Variants in NME4 observed in about 807,000 individuals in gnomAD.
NME4 encodes NME/NM23 nucleoside diphosphate kinase 4, also known as nucleoside diphosphate kinase D, mitochondrial.
NME4 carries 21 observed loss-of-function variants against 16.4 expected under a neutral mutation model. The ratio of observed to expected loss-of-function variants is 1.28; its 90% CI spans 0.91 to 1.84. NME4 has a LOEUF of 1.84. Ranked by LOEUF, NME4 falls within the 40% of genes most tolerant of loss-of-function variation. The probability of loss-of-function intolerance (pLI) is 0.00; values close to 1 mark genes in which losing one functional copy is unlikely to be tolerated. For synonymous variants in NME4, 132 were observed against 107.5 expected, an observed-to-expected ratio of 1.23 and a Z score of -1.41; for missense variants, 316 against 261.3, an observed-to-expected ratio of 1.21 and a Z score of -1.44.
At chr16:399,514 G>C (rs770471913) in intron 3 of NME4, 34 bp downstream of exon 3, 2 of 1,603,934 alleles carry the variant, frequency 1.2e-6, no homozygotes, top group Non-Finnish European at 1.7e-6. Context: ...AAGGGCCTGT[G>C]GGTAAAGGGC....
intron 1 of NME4, 38 bp downstream of exon 1, chr16:397,351 G>A: frequency 1.2e-6 from 1 of 813,894 alleles, no homozygotes; most frequent in Middle Eastern, 5.6e-4. Flanking sequence ...GACGCGGAGG[G>A]GAGGAAGGGG....
rs746753109 is a variant in NME4 at position 399,058 on chromosome 16, G to T, written c.160G>T (p.Val54Phe). The T allele has an allele frequency of 1.1e-5, 18 of 1,606,296 alleles. No homozygotes were observed. In the South Asian group the frequency reaches 1.4e-4, roughly 13 times the overall value. The change falls in exon 2 of 5, where the codon GTT (valine) becomes TTT (phenylalanine). Residue 54 changes from valine to phenylalanine, a missense_variant. Transcript: ENST00000219479. The part of the protein sequence containing the change: ...VKPDGVQRRL[V>F]GDVIQRFERR... ...GCCCGATGGCGTGCAACGGCGGCTC[G>T]TTGGGGACGTGATCCAGCGCTTTGA...
chr16:397,788 G>C, intron 1 of NME4: 2 of 1,499,004 alleles, frequency 1.3e-6, no homozygotes, highest in South Asian at 1.2e-5. Context: ...AGTTAGGCCA[G>C]AATCTGACTG....
intron 1 of NME4, chr16:398,208 C>G: frequency 6.8e-7 from 1 of 1,465,412 alleles, no homozygotes; most frequent in South Asian, 1.2e-5. Flanking sequence ...TCCCTGGCAG[C>G]GTCCCCTCCA....
At chr16:398,732 C>T in intron 1 of NME4, 1 of 567,848 alleles carries the variant, frequency 1.8e-6, no homozygotes, top group South Asian at 2.1e-5. Flanking sequence ...TCTCAGGCAG[C>T]CTCTGCCTCT....
rs1324539019 is a variant in NME4 at position 400,711 on chromosome 16, A to AGTT, written c.*372_*374dup. The AGTT allele has an allele frequency of 5.0e-6, 1 of 198,452 alleles. No individual in the cohort carries two copies. The highest frequency in any genetic ancestry group is 1.0e-5 in the Non-Finnish European group (1 of 97,948). The allele number at this position is 198,452 out of a possible 1,614,324, so 12.3% of individuals were successfully genotyped here. ...GAGGTAGAAATGACGCCTTTATGCA[A>AGTT]GTTGTAAGGAGTTGAACAGTAAAGA... On this transcript the variant is annotated 3_prime_UTR_variant, in exon 5 of 5. Coordinates refer to ENST00000219479, the MANE Select transcript of NME4 (RefSeq NM_005009.3).
intron 1 of NME4, among the ~76,000 whole-genome samples, 163 bp downstream of exon 1, chr16:397,476 C>T (rs1433884037): frequency 1.4e-5 from 2 of 139,742 alleles, no homozygotes; most frequent in Admixed American, 1.4e-4. Context: ...CGGCTCGCAC[C>T]CGCACGCCCC....
chr16:397,763 G>A (rs1039274633), intron 1 of NME4: 14 of 1,371,424 alleles, frequency 1.0e-5, no homozygotes, highest in Non-Finnish European at 1.3e-5. Context: ...CCGCTGGGGC[G>A]TTCGCTGAAG....
chr16:400,368 T>C lies in NME4; in HGVS notation c.*26T>C, dbSNP rs182152446. Reference sequence around the variant, plus strand: ...GGCTCAAGCTGCCCTTACCACCCCATCCCCCACGCAGGACCAACTACCTCC... The same window carrying C: ...GGCTCAAGCTGCCCTTACCACCCCACCCCCCACGCAGGACCAACTACCTCC... On this transcript the variant is annotated 3_prime_UTR_variant, in exon 5 of 5. Coordinates refer to ENST00000219479, the MANE Select transcript of NME4 (RefSeq NM_005009.3). The C allele has an allele frequency of 1.8e-3, 2,893 of 1,588,824 alleles. 32 individuals carry two copies. In the African/African-American group the frequency reaches 0.026, roughly 14 times the overall value.
In NME4 at chr16:400,254, C is replaced by T; in HGVS notation, c.476C>T (p.Ala159Val). 3.1e-6 allele frequency: 5 copies of T among 1,604,032 alleles called. No individual in the cohort carries two copies. Among genetic ancestry groups the T allele is most frequent in the South Asian group, 1.1e-5 (1 of 90,768 alleles). The change falls in exon 5 of 5, where the codon GCC becomes GTC. Residue 159 changes from alanine to valine, a missense_variant. Ala to Val is a moderately conservative substitution (Grantham distance 64, BLOSUM62 0). Coordinates refer to ENST00000219479, the MANE Select transcript of NME4 (RefSeq NM_005009.3). ...CACGCCAGCGACTCCGTGGAGGGGG[C>T]CCAGCGGGAGATCCAGCTGTGGTTC... ...VIHASDSVEG[A>V]QREIQLWFQS...
intron 1 of NME4, chr16:398,249 T>G (rs1189566748): frequency 7.1e-7 from 1 of 1,411,140 alleles, no homozygotes; most frequent in African/African-American, 1.4e-5. Flanking sequence ...AGCTCAGCGC[T>G]GACCCTGGGT....
chr16:398,380 C>T (rs2054592873), intron 1 of NME4: 12 of 1,257,660 alleles, frequency 9.5e-6, no homozygotes, highest in Middle Eastern at 2.7e-4. Flanking sequence ...TTCCAGGGCT[C>T]ACCTGGTGGG....
In NME4 at chr16:399,388, A is replaced by C; in HGVS notation, c.235A>C (p.Ser79Arg). ...VGMKMLQAPESVLAEHYQDLR... is the reference protein window; with the variant it reads ...VGMKMLQAPERVLAEHYQDLR... The stretch of plus-strand genomic sequence containing the variant: ...CCTCAATGCCACCCAGGCACCAGAG[A>C]GCGTCCTTGCCGAGCACTACCAGGA... The change falls in exon 3 of 5, where the codon AGC becomes CGC. Residue 79 changes from serine to arginine, a missense_variant. Transcript: ENST00000219479. 6.2e-7 allele frequency: 1 copy of C among 1,612,810 alleles called. No individual in the cohort carries two copies. Among genetic ancestry groups the C allele is most frequent in the Non-Finnish European group, 8.5e-7 (1 of 1,179,950 alleles).
upstream of NME4, chr16:397,100 GTCCGGGGCGGCGGGGGGC>G (rs577985283): frequency 0.47 from 100,401 of 211,730 alleles, 21,952 homozygotes; most frequent in African/African-American, 0.7. Flanking sequence ...GGCCACGGGG[GTCCGGGGCGGCGGGGGGC>G]TCCGGGGCGG....
At position 398,371 on chromosome 16, in the gene NME4, TC is replaced by T. The variant is rs1408214534; in HGVS notation, c.92-617del. 7 of 1,269,426 alleles carry T rather than the reference TC, an allele frequency of 5.5e-6. No homozygotes were observed. The South Asian group carries it at 7.6e-5, about 14-fold the overall frequency. The allele number at this position is 1,269,426 out of a possible 1,614,324, so 78.6% of individuals were successfully genotyped here. On this transcript the variant is annotated intron_variant, in intron 1 of 4. Coordinates refer to ENST00000219479, the MANE Select transcript of NME4 (RefSeq NM_005009.3). The stretch of plus-strand genomic sequence containing the variant: ...CTTCAGGCCCCTTTTTGTCCGTGTT[TC>T]CAGGGCTCACCTGGTGGGGAAAGTG...
At chr16:397,839 C>G (rs780270931) in intron 1 of NME4, 1 of 1,527,466 alleles carries the variant, frequency 6.5e-7, no homozygotes, top group African/African-American at 1.4e-5. Flanking sequence ...CGCTGCCCGG[C>G]CCCCCCAGCT....
At chr16:398,837 G>A in intron 1 of NME4, 153 bp from the exon 2 acceptor site, 1 of 993,912 alleles carries the variant, frequency 1.0e-6, no homozygotes, top group Non-Finnish European at 1.5e-6. Flanking sequence ...GGGTGTTTGT[G>A]GCTGTGGGCA....
chr16:397,280 C>G lies in NME4; in HGVS notation c.58C>G (p.Pro20Ala). 9.4e-7 allele frequency: 1 copy of G among 1,058,630 alleles called. No individual in the cohort carries two copies. Among genetic ancestry groups the G allele is most frequent in the Non-Finnish European group, 1.1e-6 (1 of 879,354 alleles). 65.6% of individuals were successfully genotyped at this position (1,058,630 alleles called of 1,614,324 possible). The change falls in exon 1 of 5, where the codon CCG becomes GCG. Residue 20 changes from proline (P) to alanine (A), a missense_variant. Physicochemically the swap from Pro to Ala is conservative, Grantham distance 27 (BLOSUM62 -1). Coordinates refer to ENST00000219479, the MANE Select transcript of NME4 (RefSeq NM_005009.3). The stretch of plus-strand genomic sequence containing the variant: ...GGGGCTGCGCTGCGGCCCGCGGGCC[C>G]CGGGCCCGAGCCTGCTAGTGCGCCA... The part of the protein sequence containing the change: ...LRGLRCGPRA[P>A]GPSLLVRHGS...
rs774930729 is a variant in NME4, at chr16:398,162, G to A, written c.92-828G>A. The A allele has an allele frequency of 4.5e-5, 69 of 1,523,450 alleles. No individual in the cohort carries two copies. The South Asian group carries it at 5.7e-4, about 13-fold the overall frequency. 94.4% of individuals were successfully genotyped at this position (1,523,450 alleles called of 1,614,324 possible). A position where few individuals can be genotyped will look rare whatever the true frequency, so the allele number is the denominator to read the frequency against. ...CGGAGGGTAGCTTGGCTCTGGAGCA[G>A]CCTGGGACTATAGGAAGGTGAGGAC... On this transcript the variant is annotated intron_variant, in intron 1 of 4. Coordinates refer to ENST00000219479, the MANE Select transcript of NME4 (RefSeq NM_005009.3).
Sources: allele counts gnomAD v4.1 joint callset (sites outside exome capture counted in the v4.1 genomes callset), GRCh38; gene constraint gnomAD v4.1.1; transcripts MANE v1.5; gene names NCBI Gene and HGNC (gene_info 2026-07-23, HGNC 2026-07-21).